CDH26: variants seen among roughly 807,000 people sequenced by gnomAD.
CDH26 encodes cadherin-like protein 26.
In CDH26, 83 loss-of-function variants were observed where a neutral mutation model predicts 90.3. That is an observed-to-expected ratio of 0.92 (90% CI 0.77 to 1.10). CDH26 has a LOEUF of 1.10. Among genes scored for constraint, CDH26 ranks in the 50% least tolerant of loss-of-function variants. The pLI is 0.00. For synonymous variants in CDH26, 397 were observed against 396.3 expected (o/e 1.00, Z -0.02); for missense variants, 1,013 against 1,037.6 (o/e 0.98, Z 0.33).
At chr20:60,034,231 C>T (rs1207581998), downstream of CDH26, among the ~76,000 whole-genome samples, 3 of 152,148 alleles carry the variant, frequency 2.0e-5, no homozygotes, top group South Asian at 2.1e-4. Context: ...AGAGTGTCAC[C>T]AGCTCCATTT....
At position 59,984,992 on chromosome 20, in the gene CDH26, C is replaced by T. The variant is rs1569037363; in HGVS notation, c.709-9C>T. The T allele has an allele frequency of 1.2e-6, 2 of 1,611,130 alleles. No homozygotes were observed. The highest frequency in any genetic ancestry group is 3.4e-5 in the Admixed American group (2 of 59,686). On this transcript the variant is annotated splice_polypyrimidine_tract_variant and intron_variant, in intron 6 of 17. Coordinates refer to ENST00000348616, the MANE Select transcript of CDH26 (RefSeq NM_177980.4). ...TGAGGGGCTTAACTTTCCTTTTCCT[C>T]CCACATAGACCGCTCCTCAGTTTAC...
chr20:60,011,904 A>AGAGATGGTGAC (rs1317376126), intron 17 of CDH26, among the ~76,000 whole-genome samples: 1 of 152,030 alleles, frequency 6.6e-6, no homozygotes, highest in Non-Finnish European at 1.5e-5. Context: ...TGTCACAGAG[A>AGAGATGGTGAC]GAGATGGTGA....
intron 11 of CDH26, among the ~76,000 whole-genome samples, chr20:59,994,804 G>GCCTGGGTC (rs2037180582): frequency 6.6e-6 from 1 of 152,136 alleles, no homozygotes; most frequent in Admixed American, 6.5e-5. Flanking sequence ...TCACTGTTTG[G>GCCTGGGTC]CCTGGGTCAG....
At chr20:59,985,865 T>G in intron 7 of CDH26, 1 of 152,206 alleles carries the variant, frequency 6.6e-6, no homozygotes. Context: ...CGATTTCTGT[T>G]TTACAGATGG....
chr20:59,961,654 A>G (rs1185870009), intron 1 of CDH26, among the ~76,000 whole-genome samples: 4 of 152,150 alleles, frequency 2.6e-5, no homozygotes, highest in African/African-American at 4.8e-5. Flanking sequence ...TGTGTCCACA[A>G]TAGTTTTCCT....
chr20:60,001,431 T>C lies in CDH26; in HGVS notation c.2166+20T>C. 6.2e-7 allele frequency: 1 copy of C among 1,612,888 alleles called. No individual in the cohort carries two copies. Among genetic ancestry groups the C allele is most frequent in the Non-Finnish European group, 8.5e-7 (1 of 1,179,486 alleles). Reference sequence around the variant, plus strand: ...AGCTGGGTGAGTTCCAGAAGGTTGCTCCCTGCTACGGCCATCTCACTAGTG... The same window carrying C: ...AGCTGGGTGAGTTCCAGAAGGTTGCCCCCTGCTACGGCCATCTCACTAGTG... On this transcript the variant is annotated intron_variant, in intron 15 of 17. Coordinates refer to ENST00000348616, the MANE Select transcript of CDH26 (RefSeq NM_177980.4).
intron 6 of CDH26, 61 bp downstream of exon 6, chr20:59,984,866 C>T: frequency 6.4e-7 from 1 of 1,567,034 alleles, no homozygotes; most frequent in Non-Finnish European, 8.7e-7. Context: ...GAGCCCCAGG[C>T]TTAGATTCTA....
downstream of CDH26, among the ~76,000 whole-genome samples, chr20:60,016,065 A>T (rs1336086207): frequency 1.3e-5 from 2 of 152,032 alleles, no homozygotes; most frequent in African/African-American, 4.8e-5. Context: ...GATCCTTGTA[A>T]CTTTGTCTTT....
intron 4 of CDH26, among the ~76,000 whole-genome samples, chr20:59,973,838 C>T (rs991931174): frequency 6.6e-6 from 1 of 152,156 alleles, no homozygotes; most frequent in Non-Finnish European, 1.5e-5. Context: ...TACTGTGAAT[C>T]CTGCTGCAAT....
intron 1 of CDH26, among the ~76,000 whole-genome samples, chr20:59,961,959 C>A (rs917155788): frequency 2.0e-5 from 3 of 152,154 alleles, no homozygotes; most frequent in Non-Finnish European, 4.4e-5. Flanking sequence ...GGCGTTGTTA[C>A]CAATCTGGGA....
rs2061493652 is a variant in CDH26, at chr20:59,989,025, C to T, written c.1145C>T (p.Thr382Ile). The change falls in exon 9 of 18, where the codon ACT becomes ATT. Residue 382 changes from threonine (T) to isoleucine (I), a missense_variant. By Grantham distance (89) the Thr-to-Ile change is moderately conservative. Transcript: ENST00000348616. ...CCAAGGAAGGCAGCAGCCAGCGCCA[C>T]TGTGAGTGTGCAGGTGACAGACGCC... Reference protein sequence around the residue: ...QPPRKAAASATVSVQVTDAND... With the variant: ...QPPRKAAASAIVSVQVTDAND... 3 of 1,614,242 alleles carry T rather than the reference C, an allele frequency of 1.9e-6. No individual in the cohort carries two copies. The highest frequency in any genetic ancestry group is 3.3e-5 in the Admixed American group (2 of 60,032).
chr20:60,024,720 C>T (rs1471113915), intron 7 of CDH26, among the ~76,000 whole-genome samples: 1 of 152,210 alleles, frequency 6.6e-6, no homozygotes, highest in East Asian at 1.9e-4. Context: ...AAGGAGTGGA[C>T]TGTAGCAGAA....
rs1177696091 is a variant in CDH26, at chr20:59,988,979, G to A, written c.1099G>A (p.Glu367Lys). 3 of 1,614,142 alleles carry A rather than the reference G, an allele frequency of 1.9e-6. No individual in the cohort carries two copies. Among genetic ancestry groups the A allele is most frequent in the African/African-American group, 1.3e-5 (1 of 75,018 alleles). ...GAATGAGGAGAGGCTCGTCTTCTGT[G>A]AGAGAGGAAAGCTTCAGCCGCCAAG... ...VENEERLVFC[E>K]RGKLQPPRKA... The change falls in exon 9 of 18, where the codon GAG becomes AAG. Residue 367 changes from glutamate to lysine, a missense_variant. By Grantham distance (56) the Glu-to-Lys change is moderately conservative (BLOSUM62 1). Transcript: ENST00000348616.
At chr20:59,967,962 TCTTTCTTTCTTTC>T in intron 1 of CDH26, among the ~76,000 whole-genome samples, 1 of 25,506 alleles carries the variant, frequency 3.9e-5, no homozygotes, top group Admixed American at 5.2e-4. Flanking sequence ...TTTCTATCTT[TCTTTCTTTCTTTC>T]TTTCTTTCTT....
intron 4 of CDH26, among the ~76,000 whole-genome samples, chr20:59,975,036 T>C (rs76002380): frequency 0.02 from 2,983 of 152,114 alleles, 105 homozygotes; most frequent in African/African-American, 0.069. Context: ...CCCTTAATCA[T>C]GTTAGATGAA....
intron 12 of CDH26, 180 bp from the exon 13 acceptor site, chr20:59,996,451 T>A (rs770908977): frequency 4.5e-5 from 72 of 1,600,922 alleles, no homozygotes; most frequent in Non-Finnish European, 3.6e-5. Context: ...AACAAACAGT[T>A]ATGTAGCATC....
chr20:60,000,087 G>A (rs974891285), intron 14 of CDH26, among the ~76,000 whole-genome samples: 1 of 151,216 alleles, frequency 6.6e-6, no homozygotes, highest in Non-Finnish European at 1.5e-5. Context: ...TAAAGAGCAG[G>A]CAAGTGTGAA....
At chr20:59,965,630 G>C (rs950336490) in intron 1 of CDH26, among the ~76,000 whole-genome samples, 1 of 152,170 alleles carries the variant, frequency 6.6e-6, no homozygotes, top group African/African-American at 2.4e-5. Context: ...GAATTTGTTT[G>C]GTTGGAGTAT....
intron 4 of CDH26, among the ~76,000 whole-genome samples, chr20:59,980,209 C>A (rs2061378587): frequency 6.6e-6 from 1 of 152,056 alleles, no homozygotes; most frequent in South Asian, 2.1e-4. Context: ...TCCCTAGTGA[C>A]AAATGATGAC....
Sources: gnomAD v4.1 joint callset for allele counts (sites outside exome capture counted in the v4.1 genomes callset) on GRCh38, gnomAD v4.1.1 for gene constraint, MANE v1.5 for transcripts, NCBI Gene and HGNC (gene_info 2026-07-23, HGNC 2026-07-21) for gene names.